Variants in TBC1D32 observed in about 807,000 individuals in gnomAD.
TBC1D32 encodes TBC1 domain family member 32.
In TBC1D32, 151 loss-of-function variants were observed where a neutral mutation model predicts 170.3. The ratio of observed to expected loss-of-function variants is 0.89; its 90% CI spans 0.78 to 1.01. The LOEUF (loss-of-function observed/expected upper bound fraction) is 1.01. Ranked by LOEUF, TBC1D32 falls within the 50% of genes least tolerant of loss-of-function variation. TBC1D32 has a pLI of 0.00. For synonymous variants in TBC1D32, 498 were observed against 488.0 expected (o/e 1.02, Z -0.27); for missense variants, 1,464 against 1,457.1 (o/e 1.00, Z -0.08).
intron 10 of TBC1D32, among the ~76,000 whole-genome samples, chr6:121,298,124 G>A (rs77120838): frequency 0.018 from 2,670 of 151,962 alleles, 27 homozygotes; most frequent in South Asian, 0.042. Context: ...TTCAAAAGTG[G>A]GGCCAAGTTT....
At chr6:121,270,632 C>A (rs1399343576) in intron 15 of TBC1D32, among the ~76,000 whole-genome samples, 2 of 152,000 alleles carry the variant, frequency 1.3e-5, no homozygotes, top group Non-Finnish European at 2.9e-5. Flanking sequence ...GCCTACCAAC[C>A]AAAAAAAGTC....
At chr6:121,245,963 A>C (rs181923710) in intron 17 of TBC1D32, among the ~76,000 whole-genome samples, 14 of 152,144 alleles carry the variant, frequency 9.2e-5, no homozygotes, top group African/African-American at 3.4e-4. Flanking sequence ...TCTAATTGAG[A>C]GCTCCCCCAG....
At chr6:121,171,653 A>G (rs763548349) in intron 22 of TBC1D32, among the ~76,000 whole-genome samples, 1 of 152,200 alleles carries the variant, frequency 6.6e-6, no homozygotes, top group Non-Finnish European at 1.5e-5. Flanking sequence ...AAAGTACTTA[A>G]GAAAAAAATG....
chr6:121,251,869 C>A (rs975207038), intron 17 of TBC1D32, among the ~76,000 whole-genome samples: 1 of 152,048 alleles, frequency 6.6e-6, no homozygotes. Flanking sequence ...GAAAAAACAA[C>A]CCCATCAAAA....
At position 121,286,302 on chromosome 6, in the gene TBC1D32, T is replaced by G. The variant is rs977539339; in HGVS notation, c.1373-2392A>C. Among the ~76,000 whole-genome samples, 20 of 152,206 alleles carry G rather than the reference T, an allele frequency of 1.3e-4. 1 individual carries two copies. The highest frequency in any genetic ancestry group is 3.4e-3 in the Middle Eastern group (1 of 294). On this transcript the variant is annotated intron_variant, in intron 12 of 31. Coordinates refer to ENST00000398212, the MANE Select transcript of TBC1D32 (RefSeq NM_152730.6). ...GCAGAGAAGTCCTTAAAGGACCTGA[T>G]GGAGCTGAAAACCAATGCACGAGAA...
intron 20 of TBC1D32, among the ~76,000 whole-genome samples, chr6:121,225,196 C>T (rs1462642311): frequency 6.6e-6 from 1 of 151,976 alleles, no homozygotes; most frequent in Non-Finnish European, 1.5e-5. Flanking sequence ...TCTCTAATCA[C>T]CGGCTATTAA....
At chr6:121,137,724 A>G (rs1409240250) in intron 24 of TBC1D32, among the ~76,000 whole-genome samples, 1 of 151,962 alleles carries the variant, frequency 6.6e-6, no homozygotes, top group East Asian at 1.9e-4. Context: ...ATTATTATAG[A>G]TGATGTAGAA....
chr6:121,136,583 T>C (rs1472166916), intron 24 of TBC1D32, among the ~76,000 whole-genome samples: 4 of 152,150 alleles, frequency 2.6e-5, no homozygotes, highest in East Asian at 1.9e-4. Context: ...ATATTAATAG[T>C]GCTAAGACTG....
intron 22 of TBC1D32, among the ~76,000 whole-genome samples, chr6:121,190,034 C>A (rs2128284537): frequency 6.7e-6 from 1 of 149,912 alleles, no homozygotes; most frequent in East Asian, 2.0e-4. Context: ...TAAAACACCA[C>A]ACACTATATA....
intron 1 of TBC1D32, among the ~76,000 whole-genome samples, chr6:121,333,306 C>A (rs1811437400): frequency 6.6e-6 from 1 of 152,148 alleles, no homozygotes; most frequent in Admixed American, 6.5e-5. Context: ...TTATATGAAC[C>A]AAAAGAAAAA....
intron 22 of TBC1D32, among the ~76,000 whole-genome samples, chr6:121,182,587 G>A (rs1229515222): frequency 6.6e-6 from 1 of 151,908 alleles, no homozygotes; most frequent in African/African-American, 2.4e-5. Flanking sequence ...AAACATAGAA[G>A]GAAACAGCAC....
intron 29 of TBC1D32, among the ~76,000 whole-genome samples, chr6:121,110,359 A>G (rs1266301783): frequency 2.0e-5 from 3 of 151,838 alleles, no homozygotes; most frequent in Admixed American, 6.6e-5. Flanking sequence ...ACATCTATGA[A>G]CAAAACAGAA....
intron 26 of TBC1D32, among the ~76,000 whole-genome samples, chr6:121,124,234 A>C (rs1477437968): frequency 1.3e-5 from 2 of 152,036 alleles, no homozygotes; most frequent in Non-Finnish European, 2.9e-5. Flanking sequence ...AAGTTCCCTC[A>C]ACATTTGTTT....
intron 22 of TBC1D32, among the ~76,000 whole-genome samples, chr6:121,170,052 C>T (rs1006000620): frequency 2.0e-5 from 3 of 151,860 alleles, no homozygotes; most frequent in East Asian, 1.9e-4. Flanking sequence ...AATTAAAAGG[C>T]GATATGGTTT....
intron 31 of TBC1D32, among the ~76,000 whole-genome samples, chr6:121,081,876 A>G (rs1034066349): frequency 6.6e-6 from 1 of 152,018 alleles, no homozygotes; most frequent in Non-Finnish European, 1.5e-5. Flanking sequence ...TTATTTTGCC[A>G]TCATTACCAA....
intron 20 of TBC1D32, among the ~76,000 whole-genome samples, chr6:121,228,278 A>G (rs138949727): frequency 6.6e-6 from 1 of 151,888 alleles, no homozygotes; most frequent in Non-Finnish European, 1.5e-5. Flanking sequence ...TTTCTGCTCT[A>G]ATGTTTATTA....
At chr6:121,304,942 A>G in intron 5 of TBC1D32, 109 bp from the exon 6 acceptor site, 2 of 729,032 alleles carry the variant, frequency 2.7e-6, no homozygotes, top group Non-Finnish European at 2.3e-6. Flanking sequence ...ATACAAATAA[A>G]CCATTCAGAA....
chr6:121,133,923 C>T (rs1249597562), intron 24 of TBC1D32, among the ~76,000 whole-genome samples: 1 of 146,896 alleles, frequency 6.8e-6, no homozygotes, highest in Non-Finnish European at 1.5e-5. Context: ...TTAATAAAAA[C>T]ACTTAAAACT....
At position 121,098,286 on chromosome 6, in the gene TBC1D32, G is replaced by C. The variant is rs1165753405; in HGVS notation, c.3466-7245C>G. Among the ~76,000 whole-genome samples, 3 of 151,696 alleles carry C rather than the reference G, an allele frequency of 2.0e-5. No homozygotes were observed. The South Asian group carries it at 6.3e-4, about 32-fold the overall frequency. On this transcript the variant is annotated intron_variant, in intron 30 of 31. Transcript: ENST00000398212. ...CAGATGCTTGATTAAGCCAAAATAG[G>C]TATGATTTATAAATGATAAAGTTTT... is the stretch of plus-strand genomic sequence containing the variant.
Sources: allele counts gnomAD v4.1 joint callset (sites outside exome capture counted in the v4.1 genomes callset), GRCh38; gene constraint gnomAD v4.1.1; transcripts MANE v1.5; gene names NCBI Gene and HGNC (gene_info 2026-07-23, HGNC 2026-07-21).